RNF220: variants seen among roughly 807,000 people sequenced by gnomAD.
RNF220 encodes the protein ring finger protein 220.
A neutral mutation model predicts 67.1 loss-of-function variants in RNF220; 7 were observed. The ratio of observed to expected loss-of-function variants is 0.10; its 90% CI spans 0.06 to 0.20. The LOEUF (loss-of-function observed/expected upper bound fraction) is 0.20. RNF220 is among the 10% of genes least tolerant of loss of function. The pLI is 1.00. For missense variants in RNF220, 565 were observed against 740.3 expected (o/e 0.76, Z 2.75); for synonymous variants, 270 against 283.2 (o/e 0.95, Z 0.47).
chr1:44,427,976 A>G (rs569123617), intron 2 of RNF220, among the ~76,000 whole-genome samples: 139 of 152,336 alleles, frequency 9.1e-4, no homozygotes, highest in Non-Finnish European at 1.5e-3. Flanking sequence ...AACTCTTATA[A>G]GTCTGTGCAG....
intron 2 of RNF220, among the ~76,000 whole-genome samples, chr1:44,594,501 T>A (rs1340287625): frequency 6.6e-6 from 1 of 152,200 alleles, no homozygotes; most frequent in Non-Finnish European, 1.5e-5. Context: ...GGAGAGCCTG[T>A]TCTCAACTAG....
chr1:44,446,736 T>G (rs1034555196), intron 2 of RNF220, among the ~76,000 whole-genome samples: 6 of 152,036 alleles, frequency 3.9e-5, no homozygotes, highest in African/African-American at 1.5e-4. Context: ...TTTTTGTATT[T>G]TTAGTAGAGA....
chr1:44,452,567 A>T (rs1415402825), intron 2 of RNF220, among the ~76,000 whole-genome samples: 1 of 152,162 alleles, frequency 6.6e-6, no homozygotes, highest in Non-Finnish European at 1.5e-5. Context: ...AATAATAATA[A>T]AAATAAATAA....
intron 2 of RNF220, among the ~76,000 whole-genome samples, chr1:44,612,232 C>G (rs1643342831): frequency 6.6e-6 from 1 of 152,234 alleles, no homozygotes; most frequent in Non-Finnish European, 1.5e-5. Flanking sequence ...GTTCTTCATC[C>G]CCACCTTTCT....
intron 2 of RNF220, among the ~76,000 whole-genome samples, chr1:44,520,970 G>A (rs569309962): frequency 6.6e-6 from 1 of 152,264 alleles, no homozygotes; most frequent in East Asian, 1.9e-4. Context: ...ATCATAGCTA[G>A]CTGTAACCTC....
At chr1:44,411,959 T>C (rs890835069) in intron 1 of RNF220, 22 bp from the exon 2 acceptor site, 2 of 967,648 alleles carry the variant, frequency 2.1e-6, no homozygotes, top group Admixed American at 6.3e-5. Flanking sequence ...CCCTTCTTTT[T>C]TTCTCTTTGC....
chr1:44,559,083 A>G (rs1219601332), intron 2 of RNF220, among the ~76,000 whole-genome samples: 1 of 152,264 alleles, frequency 6.6e-6, no homozygotes, highest in Non-Finnish European at 1.5e-5. Flanking sequence ...CCCAATGCGC[A>G]ACACATAGTA....
At chr1:44,410,859 G>A (rs140965869) in intron 1 of RNF220, among the ~76,000 whole-genome samples, 2 of 151,964 alleles carry the variant, frequency 1.3e-5, no homozygotes, top group East Asian at 1.9e-4. Context: ...ATATTGTCCC[G>A]GCTTTTGATA....
intron 3 of RNF220, among the ~76,000 whole-genome samples, chr1:44,616,364 A>C (rs1643544822): frequency 6.6e-6 from 1 of 152,216 alleles, no homozygotes; most frequent in Admixed American, 6.5e-5. Context: ...ATCCTTGTTG[A>C]ATGCTCACTA....
intron 2 of RNF220, among the ~76,000 whole-genome samples, chr1:44,485,790 G>C (rs1656235249): frequency 6.6e-6 from 1 of 152,156 alleles, no homozygotes; most frequent in Non-Finnish European, 1.5e-5. Flanking sequence ...TAAGATGCTG[G>C]GGTAATTACA....
intron 2 of RNF220, among the ~76,000 whole-genome samples, chr1:44,525,714 C>T (rs553623417): frequency 6.6e-6 from 1 of 152,276 alleles, no homozygotes; most frequent in South Asian, 2.1e-4. Context: ...CCCTATTCTG[C>T]GTTCCTCCTG....
intron 2 of RNF220, among the ~76,000 whole-genome samples, chr1:44,447,383 C>G (rs1003965240): frequency 6.6e-6 from 1 of 152,140 alleles, no homozygotes; most frequent in Admixed American, 6.6e-5. Context: ...TAGTACCTAC[C>G]CCCTAAATAT....
intron 2 of RNF220, among the ~76,000 whole-genome samples, chr1:44,487,462 G>C (rs1656413716): frequency 6.6e-6 from 1 of 151,668 alleles, no homozygotes; most frequent in African/African-American, 2.4e-5. Context: ...TTTGGGTTTT[G>C]AGAGTAAAGT....
At chr1:44,545,130 A>C (rs994484283) in intron 2 of RNF220, among the ~76,000 whole-genome samples, 1 of 152,216 alleles carries the variant, frequency 6.6e-6, no homozygotes, top group Non-Finnish European at 1.5e-5. Flanking sequence ...CCATGTGGCC[A>C]TGGTCCATTG....
At chr1:44,580,002 C>CA (rs1295139017) in intron 2 of RNF220, among the ~76,000 whole-genome samples, 2 of 114,468 alleles carry the variant, frequency 1.7e-5, no homozygotes, top group African/African-American at 3.3e-5. Flanking sequence ...GCACTCCAGC[C>CA]AGGGCAACAG....
At chr1:44,567,388 C>T (rs1664102548) in intron 2 of RNF220, among the ~76,000 whole-genome samples, 1 of 152,076 alleles carries the variant, frequency 6.6e-6, no homozygotes, top group East Asian at 1.9e-4. Flanking sequence ...CAAGAGTTGG[C>T]CACATAGCCC....
intron 2 of RNF220, among the ~76,000 whole-genome samples, chr1:44,575,364 T>C (rs1307067350): frequency 6.6e-6 from 1 of 152,262 alleles, no homozygotes; most frequent in Admixed American, 6.5e-5. Context: ...ATTTTTTTAA[T>C]GGCTAAATAA....
At chr1:44,462,839 T>A (rs545907852) in intron 2 of RNF220, among the ~76,000 whole-genome samples, 1 of 149,056 alleles carries the variant, frequency 6.7e-6, no homozygotes, top group Non-Finnish European at 1.5e-5. Context: ...CCATCCTGGC[T>A]AACATGGTGA....
intron 2 of RNF220, among the ~76,000 whole-genome samples, chr1:44,505,336 GGTTA>G (rs754980696): frequency 7.9e-5 from 12 of 152,220 alleles, no homozygotes; most frequent in Non-Finnish European, 1.6e-4. Flanking sequence ...ATTCCCTCTT[GGTTA>G]GACTCTGGTC....
Sources: gnomAD v4.1 joint callset for allele counts (sites outside exome capture counted in the v4.1 genomes callset) on GRCh38, gnomAD v4.1.1 for gene constraint, MANE v1.5 for transcripts, NCBI Gene and HGNC (gene_info 2026-07-23, HGNC 2026-07-21) for gene names.